Variants in PCSK5 observed in about 807,000 individuals in gnomAD.
The protein encoded by PCSK5 is proprotein convertase subtilisin/kexin type 5.
In PCSK5, 129 loss-of-function variants were observed where a neutral mutation model predicts 233.2. That is an observed-to-expected ratio of 0.55 (90% CI 0.48 to 0.64). PCSK5 has a LOEUF of 0.64. Among genes scored for constraint, PCSK5 ranks in the 30% least tolerant of loss-of-function variants. The pLI, the probability that PCSK5 is intolerant of heterozygous loss-of-function variation, is 0.00. For synonymous variants in PCSK5, 825 were observed against 879.2 expected, an observed-to-expected ratio of 0.94 and a Z score of 1.09; for missense variants, 2,076 against 2,430.1, an observed-to-expected ratio of 0.85 and a Z score of 3.06.
intron 2 of PCSK5, among the ~76,000 whole-genome samples, chr9:75,946,152 A>T (rs781204862): frequency 3.9e-5 from 6 of 152,220 alleles, no homozygotes; most frequent in Admixed American, 6.5e-5. Context: ...TTGGAAGATA[A>T]GTGATAGAGG....
chr9:76,052,395 C>G (rs1829662372), intron 5 of PCSK5, among the ~76,000 whole-genome samples: 1 of 152,128 alleles, frequency 6.6e-6, no homozygotes, highest in African/African-American at 2.4e-5. Context: ...GAAGACCTCA[C>G]AATCATGGCA....
chr9:75,960,403 G>A (rs1333924687), intron 2 of PCSK5, among the ~76,000 whole-genome samples: 2 of 152,088 alleles, frequency 1.3e-5, no homozygotes, highest in Non-Finnish European at 2.9e-5. Flanking sequence ...AAAACTCTGT[G>A]GGCAGTTAAT....
chr9:76,294,069 C>T (rs1308612257), intron 25 of PCSK5, among the ~76,000 whole-genome samples: 1 of 151,960 alleles, frequency 6.6e-6, no homozygotes, highest in East Asian at 1.9e-4. Context: ...TGGTGGCATG[C>T]ATCTGTAGTT....
At chr9:76,304,419 C>T (rs1475664762) in intron 28 of PCSK5, among the ~76,000 whole-genome samples, 2 of 152,116 alleles carry the variant, frequency 1.3e-5, no homozygotes, top group African/African-American at 4.8e-5. Context: ...AGCAGGCCAC[C>T]CAGGTATGAA....
intron 8 of PCSK5, among the ~76,000 whole-genome samples, chr9:76,102,255 C>A (rs76383474): frequency 6.6e-6 from 1 of 152,006 alleles, no homozygotes; most frequent in Non-Finnish European, 1.5e-5. Flanking sequence ...AGCTGTTTGT[C>A]CTTGGGCAAG....
chr9:76,006,010 A>G lies in PCSK5; in HGVS notation c.412-17728A>G, dbSNP rs1466981685. On this transcript the variant is annotated intron_variant, in intron 3 of 37. Transcript: ENST00000674117. ...CAGCCTCCCAAGGGGCTAGGAGCAC[A>G]CCACCACGCCCTTTTTTTTTTTTTT... 7.5e-5 allele frequency among the ~76,000 whole-genome samples: 11 copies of G among 147,260 alleles called. 2 individuals are homozygous for G. In the South Asian group the frequency reaches 2.1e-3, roughly 29 times the overall value.
chr9:76,092,353 T>C (rs1049498369), intron 7 of PCSK5, among the ~76,000 whole-genome samples: 4 of 152,212 alleles, frequency 2.6e-5, no homozygotes, highest in African/African-American at 4.8e-5. Context: ...GCTCAGGCTG[T>C]GGCTCCAGTC....
At chr9:76,181,657 G>A in intron 16 of PCSK5, 66 bp downstream of exon 16, 4 of 1,066,004 alleles carry the variant, frequency 3.8e-6, no homozygotes, top group Non-Finnish European at 2.8e-6. Context: ...AGTGACCTCA[G>A]GAGGGATAGC....
At position 76,026,964 on chromosome 9, in the gene PCSK5, G is replaced by C. The variant is rs1171506583; in HGVS notation, c.559G>C (p.Ala187Pro). ...THPDLMQNYD[A>P]LASCDVNGND... ...GCTCTCTCCTCTGTGGCCATAGGAT[G>C]CTCTGGCAAGTTGCGACGTGAATGG... The change falls in exon 5 of 38, where the codon GCT becomes CCT. Residue 187 changes from alanine to proline, a missense_variant. Ala to Pro is a conservative substitution (Grantham distance 27). Transcript: ENST00000674117. 2.5e-6 allele frequency: 4 copies of C among 1,605,924 alleles called. No individual in the cohort carries two copies. In the South Asian group the frequency reaches 4.4e-5, roughly 18 times the overall value.
chr9:76,318,337 G>GGA (rs1829090793), intron 30 of PCSK5, among the ~76,000 whole-genome samples: 1 of 152,014 alleles, frequency 6.6e-6, no homozygotes, highest in African/African-American at 2.4e-5. Flanking sequence ...GCAAGGGGAG[G>GGA]GAGAGCATTA....
chr9:76,193,290 A>T, intron 20 of PCSK5: 1 of 1,613,060 alleles, frequency 6.2e-7, no homozygotes, highest in Non-Finnish European at 8.5e-7. Context: ...GAAAAAGAAC[A>T]ATCTGTGCCA....
chr9:76,028,290 A>AT (rs1435680718), intron 5 of PCSK5, among the ~76,000 whole-genome samples: 1 of 152,198 alleles, frequency 6.6e-6, no homozygotes, highest in African/African-American at 2.4e-5. Context: ...AGACAGAGCC[A>AT]TTTTACCAAG....
chr9:75,930,514 A>C (rs189627293), intron 1 of PCSK5, among the ~76,000 whole-genome samples: 3 of 152,214 alleles, frequency 2.0e-5, no homozygotes, highest in African/African-American at 7.2e-5. Flanking sequence ...TTTACTTTTA[A>C]AAACTATATT....
chr9:76,123,920 A>G (rs1490679851), intron 9 of PCSK5, among the ~76,000 whole-genome samples: 1 of 143,702 alleles, frequency 7.0e-6, no homozygotes, highest in East Asian at 2.1e-4. Context: ...GTCTTTAACT[A>G]GAAGTCCTGT....
At chr9:76,288,783 A>C (rs552317506) in intron 24 of PCSK5, among the ~76,000 whole-genome samples, 2 of 152,292 alleles carry the variant, frequency 1.3e-5, no homozygotes, top group African/African-American at 4.8e-5. Context: ...GAATTATGGG[A>C]CACCGAGTTT....
At chr9:76,332,362 C>T in intron 33 of PCSK5, 71 bp from the exon 34 acceptor site, 1 of 1,185,524 alleles carries the variant, frequency 8.4e-7, no homozygotes, top group Non-Finnish European at 1.2e-6. Flanking sequence ...CCATGGTACA[C>T]AAGAGGGAAA....
intron 24 of PCSK5, among the ~76,000 whole-genome samples, chr9:76,268,062 A>G (rs1827393896): frequency 6.6e-6 from 1 of 152,144 alleles, no homozygotes; most frequent in African/African-American, 2.4e-5. Context: ...GCCACAGACT[A>G]AGACATCTGC....
At chr9:76,034,546 T>G (rs560758191) in intron 5 of PCSK5, among the ~76,000 whole-genome samples, 1 of 152,164 alleles carries the variant, frequency 6.6e-6, no homozygotes, top group South Asian at 2.1e-4. Context: ...TTTGTGTCAT[T>G]CCTCTAATGT....
intron 7 of PCSK5, among the ~76,000 whole-genome samples, 199 bp downstream of exon 7, chr9:76,072,097 G>C (rs538621909): frequency 6.6e-5 from 10 of 152,334 alleles, no homozygotes; most frequent in African/African-American, 2.4e-4. Flanking sequence ...AAGAGCTAGA[G>C]AGTTTCTTCT....
Sources: gnomAD v4.1 joint callset for allele counts (sites outside exome capture counted in the v4.1 genomes callset) on GRCh38, gnomAD v4.1.1 for gene constraint, MANE v1.5 for transcripts, NCBI Gene and HGNC (gene_info 2026-07-23, HGNC 2026-07-21) for gene names.